The following TNS3 variants were observed in gnomAD, a reference collection of about 807,000 sequenced individuals.
TNS3 encodes the protein tensin 3.
TNS3 carries 45 observed loss-of-function variants against 140.9 expected under a neutral mutation model. The observed-to-expected ratio is 0.32, with a 90% CI of 0.25 to 0.41. The LOEUF is 0.41. Among genes scored for constraint, TNS3 ranks in the 10% least tolerant of loss-of-function variants. TNS3 has a pLI of 1.00. For missense variants in TNS3, 1,716 were observed against 1,906.7 expected, an observed-to-expected ratio of 0.90 and a Z score of 1.86; for synonymous variants, 815 against 788.4, an observed-to-expected ratio of 1.03 and a Z score of -0.56.
chr7:47,369,961 C>T (rs2151156350), intron 16 of TNS3, among the ~76,000 whole-genome samples: 1 of 152,268 alleles, frequency 6.6e-6, no homozygotes, highest in South Asian at 2.1e-4. Context: ...ACATTGAGCT[C>T]GGCTTGGATC....
At chr7:47,424,581 G>C (rs1414027729) in intron 9 of TNS3, among the ~76,000 whole-genome samples, 1 of 152,122 alleles carries the variant, frequency 6.6e-6, no homozygotes, top group Non-Finnish European at 1.5e-5. Flanking sequence ...ATTTTAAGTG[G>C]GCTCTGTGCA....
chr7:47,368,167 A>C (rs1169799892), intron 17 of TNS3, among the ~76,000 whole-genome samples, 198 bp downstream of exon 17: 2 of 152,114 alleles, frequency 1.3e-5, no homozygotes, highest in African/African-American at 4.8e-5. Context: ...CCATCCTCCA[A>C]ATCTCCTACC....
intron 10 of TNS3, among the ~76,000 whole-genome samples, chr7:47,417,420 C>A (rs1375824275): frequency 6.6e-6 from 1 of 152,220 alleles, no homozygotes; most frequent in Non-Finnish European, 1.5e-5. Flanking sequence ...GCCACGAGCT[C>A]CCAAAGAAGG....
intron 1 of TNS3, among the ~76,000 whole-genome samples, chr7:47,545,414 G>A (rs547185041): frequency 6.6e-6 from 1 of 152,168 alleles, no homozygotes; most frequent in African/African-American, 2.4e-5. Flanking sequence ...GTCACGAAAG[G>A]GGAGGGCTTT....
chr7:47,529,785 A>T (rs950962265), intron 1 of TNS3, among the ~76,000 whole-genome samples: 1 of 152,260 alleles, frequency 6.6e-6, no homozygotes. Flanking sequence ...GCTCTCAGCT[A>T]TATGATAACC....
chr7:47,378,184 C>A (rs1791518414), intron 16 of TNS3, among the ~76,000 whole-genome samples: 2 of 152,146 alleles, frequency 1.3e-5, no homozygotes, highest in African/African-American at 4.8e-5. Context: ...TCTGTGCTTT[C>A]CCCCTCTCTG....
At chr7:47,414,035 G>C (rs187669412) in intron 11 of TNS3, 38 bp from the exon 12 acceptor site, 2 of 1,602,546 alleles carry the variant, frequency 1.2e-6, no homozygotes, top group African/African-American at 1.3e-5. Flanking sequence ...AGGCATGACC[G>C]GTACAGAACG....
chr7:47,488,329 G>A (rs1419686648), intron 3 of TNS3, among the ~76,000 whole-genome samples: 1 of 152,210 alleles, frequency 6.6e-6, no homozygotes, highest in Non-Finnish European at 1.5e-5. Context: ...AACAGTCTTA[G>A]CTCGGGTAAG....
chr7:47,419,246 G>A (rs1584616041), intron 10 of TNS3, among the ~76,000 whole-genome samples: 1 of 152,350 alleles, frequency 6.6e-6, no homozygotes, highest in East Asian at 1.9e-4. Flanking sequence ...CCACAGAGTT[G>A]GAGGCTCAGA....
intron 1 of TNS3, among the ~76,000 whole-genome samples, chr7:47,568,370 G>A (rs569687888): frequency 5.3e-5 from 8 of 152,242 alleles, no homozygotes; most frequent in African/African-American, 1.4e-4. Flanking sequence ...AGGCGTGATC[G>A]GAAGCCCCTT....
chr7:47,314,387 C>T lies in TNS3; in HGVS notation c.2651-9384G>A, dbSNP rs112956151. Among the ~76,000 whole-genome samples, 822 of 152,322 alleles carry T rather than the reference C, an allele frequency of 5.4e-3. 8 individuals are homozygous for T. Among genetic ancestry groups the T allele is most frequent in the African/African-American group, 0.019 (778 of 41,588 alleles). ...AGAGCGAGGCAGCGGGAGCCTGGGT[C>T]CCTTTCTAAGTGCTCCTCTGCACTG... is the stretch of plus-strand genomic sequence containing the variant. On this transcript the variant is annotated intron_variant, in intron 20 of 30. Transcript: ENST00000311160.
intron 3 of TNS3, among the ~76,000 whole-genome samples, chr7:47,500,033 A>G (rs1188938111): frequency 6.6e-6 from 1 of 152,188 alleles, no homozygotes; most frequent in Admixed American, 6.5e-5. Flanking sequence ...TGCTCTAAAA[A>G]TAACATCTTC....
intron 1 of TNS3, among the ~76,000 whole-genome samples, chr7:47,548,046 A>G (rs1222125715): frequency 6.6e-6 from 1 of 152,150 alleles, no homozygotes; most frequent in African/African-American, 2.4e-5. Context: ...GACTACAGGC[A>G]TGCACCATCA....
intron 16 of TNS3, among the ~76,000 whole-genome samples, chr7:47,387,612 C>T (rs1284731877): frequency 1.3e-5 from 2 of 152,236 alleles, no homozygotes; most frequent in African/African-American, 4.8e-5. Flanking sequence ...CCCTTTTCCA[C>T]TAAGTCATCC....
intron 16 of TNS3, among the ~76,000 whole-genome samples, chr7:47,386,372 T>C (rs1792070019): frequency 6.6e-6 from 1 of 152,210 alleles, no homozygotes; most frequent in Non-Finnish European, 1.5e-5. Flanking sequence ...CTGGGGTCAA[T>C]GGCTTTCCCT....
intron 10 of TNS3, among the ~76,000 whole-genome samples, chr7:47,415,578 G>A (rs1584608216): frequency 6.6e-6 from 1 of 152,210 alleles, no homozygotes; most frequent in Non-Finnish European, 1.5e-5. Flanking sequence ...GTGGGCGTGT[G>A]CTCTGTCACT....
chr7:47,342,520 G>A (rs1789078479), intron 20 of TNS3, among the ~76,000 whole-genome samples: 1 of 152,210 alleles, frequency 6.6e-6, no homozygotes, highest in African/African-American at 2.4e-5. Flanking sequence ...AAATTACATG[G>A]TTATTCCATG....
chr7:47,297,407 T>C (rs1786101033), intron 23 of TNS3, among the ~76,000 whole-genome samples, 194 bp from the exon 24 acceptor site: 1 of 152,042 alleles, frequency 6.6e-6, no homozygotes, highest in Non-Finnish European at 1.5e-5. Context: ...GAGGTCTCTG[T>C]GGTGTCGTGT....
intron 6 of TNS3, among the ~76,000 whole-genome samples, chr7:47,437,593 A>G (rs910308578): frequency 1.3e-5 from 2 of 151,476 alleles, no homozygotes; most frequent in Non-Finnish European, 2.9e-5. Context: ...CAGAATAAAA[A>G]ACAAATAAAA....
Sources: gnomAD v4.1 joint callset for allele counts (sites outside exome capture counted in the v4.1 genomes callset) on GRCh38, gnomAD v4.1.1 for gene constraint, MANE v1.5 for transcripts, NCBI Gene and HGNC (gene_info 2026-07-23, HGNC 2026-07-21) for gene names.